The following AFG1L variants were observed in gnomAD, a reference collection of about 807,000 sequenced individuals.
AFG1L encodes AFG1-like ATPase.
A neutral mutation model predicts 62.2 loss-of-function variants in AFG1L; 53 were observed. The ratio of observed to expected loss-of-function variants is 0.85; its 90% CI spans 0.68 to 1.07. AFG1L has a LOEUF of 1.07. Among genes scored for constraint, AFG1L ranks in the 50% least tolerant of loss-of-function variants. The pLI, the probability that AFG1L is intolerant of heterozygous loss-of-function variation, is 0.00. For missense variants in AFG1L, 555 were observed against 590.5 expected (o/e 0.94, Z 0.62); for synonymous variants, 228 against 210.3 (o/e 1.08, Z -0.73).
intron 1 of AFG1L, among the ~76,000 whole-genome samples, chr6:108,314,749 TCAAAA>T (rs1777529709): frequency 6.6e-6 from 1 of 152,010 alleles, no homozygotes; most frequent in South Asian, 2.1e-4. Context: ...AAAAAGGAAA[TCAAAA>T]CAAAACAGAA....
chr6:108,463,677 G>A (rs908864228), intron 8 of AFG1L, among the ~76,000 whole-genome samples: 5 of 152,100 alleles, frequency 3.3e-5, no homozygotes, highest in African/African-American at 7.2e-5. Flanking sequence ...AACCAGGTAA[G>A]TTACTCTCCA....
intron 3 of AFG1L, among the ~76,000 whole-genome samples, chr6:108,348,362 G>A (rs1315953811): frequency 6.6e-6 from 1 of 152,244 alleles, no homozygotes; most frequent in Admixed American, 6.5e-5. Flanking sequence ...ACAGGCATGA[G>A]CCATGGCGCC....
intron 6 of AFG1L, among the ~76,000 whole-genome samples, chr6:108,377,362 GT>G (rs773818732): frequency 4.6e-5 from 7 of 152,154 alleles, no homozygotes; most frequent in Non-Finnish European, 1.0e-4. Context: ...ACTTAAGTGT[GT>G]TTTTGTGGTA....
At chr6:108,349,260 G>C (rs1016022485) in intron 3 of AFG1L, among the ~76,000 whole-genome samples, 6 of 152,082 alleles carry the variant, frequency 3.9e-5, no homozygotes, top group African/African-American at 1.4e-4. Flanking sequence ...GAGGCGAGTG[G>C]ATTGCCTAAG....
intron 1 of AFG1L, among the ~76,000 whole-genome samples, chr6:108,308,516 A>G (rs1354199392): frequency 6.6e-6 from 1 of 151,750 alleles, no homozygotes; most frequent in East Asian, 1.9e-4. Context: ...TTACTTATTT[A>G]ATTTTAATTT....
At chr6:108,296,599 T>C (rs932539455) in intron 1 of AFG1L, among the ~76,000 whole-genome samples, 2 of 152,204 alleles carry the variant, frequency 1.3e-5, no homozygotes, top group Admixed American at 6.5e-5. Flanking sequence ...TACACATTGT[T>C]TTGTGTATAC....
rs767870075 is a variant in AFG1L, at chr6:108,295,200, G to C, written c.121G>C (p.Gly41Arg). The change falls in exon 1 of 13, where the codon GGG becomes CGG. Residue 41 changes from glycine to arginine, a missense_variant. Transcript: ENST00000368977. Reference protein sequence around the residue: ...AALAPLATAPGKPFWKAYTVQ... With the variant: ...AALAPLATAPRKPFWKAYTVQ... ...TCTCGCTCCTCTGGCCACCGCCCCTGGGAAGCCCTTTTGGAAAGGTCAGTG... is the reference window on the plus strand; with the variant it reads ...TCTCGCTCCTCTGGCCACCGCCCCTCGGAAGCCCTTTTGGAAAGGTCAGTG... 3 of 1,605,028 alleles carry C rather than the reference G, an allele frequency of 1.9e-6. No homozygotes were observed. The African/African-American group carries it at 4.0e-5, about 21-fold the overall frequency.
At chr6:108,373,726 G>A (rs1010076819) in intron 6 of AFG1L, among the ~76,000 whole-genome samples, 11 of 144,758 alleles carry the variant, frequency 7.6e-5, no homozygotes, top group African/African-American at 2.6e-4. Context: ...ACAGGCATGC[G>A]CCACCATGCC....
intron 3 of AFG1L, among the ~76,000 whole-genome samples, chr6:108,348,018 A>C (rs1778931922): frequency 1.3e-5 from 2 of 152,048 alleles, no homozygotes; most frequent in Admixed American, 1.3e-4. Context: ...TATCTTAGTA[A>C]CATTTTTAGG....
intron 1 of AFG1L, among the ~76,000 whole-genome samples, chr6:108,321,244 C>G (rs991052063): frequency 4.6e-5 from 7 of 152,138 alleles, no homozygotes; most frequent in Non-Finnish European, 1.0e-4. Flanking sequence ...TAGAATAGCT[C>G]ACAGAACTCA....
intron 1 of AFG1L, among the ~76,000 whole-genome samples, chr6:108,303,360 G>T (rs547449526): frequency 3.3e-5 from 5 of 152,092 alleles, no homozygotes; most frequent in Non-Finnish European, 5.9e-5. Flanking sequence ...TCTCTAATTT[G>T]AGCTCAAGTG....
chr6:108,346,895 G>T (rs1778883060), intron 2 of AFG1L, 93 bp from the exon 3 acceptor site: 7 of 912,350 alleles, frequency 7.7e-6, no homozygotes, highest in Non-Finnish European at 1.1e-5. Context: ...AGCCCCTCTT[G>T]GTTCTGTATA....
At chr6:108,512,843 T>C (rs1774709349) in intron 11 of AFG1L, among the ~76,000 whole-genome samples, 1 of 152,196 alleles carries the variant, frequency 6.6e-6, no homozygotes, top group South Asian at 2.1e-4. Context: ...CAAAACCATT[T>C]TATTTCAAAA....
intron 1 of AFG1L, among the ~76,000 whole-genome samples, chr6:108,296,120 A>G (rs974927549): frequency 4.6e-5 from 7 of 152,150 alleles, no homozygotes; most frequent in African/African-American, 1.4e-4. Flanking sequence ...AAATATGACA[A>G]TCTTTGACCC....
intron 2 of AFG1L, among the ~76,000 whole-genome samples, chr6:108,341,038 G>A (rs1778660844): frequency 1.3e-5 from 2 of 152,116 alleles, no homozygotes; most frequent in South Asian, 4.1e-4. Context: ...TGACAATATG[G>A]AGGGCCCAGA....
At chr6:108,415,594 T>C (rs1302619801) in intron 7 of AFG1L, among the ~76,000 whole-genome samples, 1 of 152,104 alleles carries the variant, frequency 6.6e-6, no homozygotes, top group African/African-American at 2.4e-5. Flanking sequence ...TGGAACAGAA[T>C]AGAGCCCCCG....
At chr6:108,341,440 G>T (rs1778679118) in intron 2 of AFG1L, among the ~76,000 whole-genome samples, 1 of 152,110 alleles carries the variant, frequency 6.6e-6, no homozygotes, top group African/African-American at 2.4e-5. Context: ...AACAGGTATT[G>T]GTAAGCACAT....
chr6:108,438,039 A>G (rs956638624), intron 7 of AFG1L, among the ~76,000 whole-genome samples: 2 of 152,206 alleles, frequency 1.3e-5, no homozygotes, highest in Non-Finnish European at 2.9e-5. Context: ...CTCACAAGCA[A>G]GTGTATGGAG....
At chr6:108,310,927 T>C (rs1777380159) in intron 1 of AFG1L, among the ~76,000 whole-genome samples, 4 of 152,166 alleles carry the variant, frequency 2.6e-5, no homozygotes, top group Admixed American at 2.6e-4. Context: ...GTGAATGGGA[T>C]CCTTTTTTTT....
Sources: allele counts gnomAD v4.1 joint callset (sites outside exome capture counted in the v4.1 genomes callset), GRCh38; gene constraint gnomAD v4.1.1; transcripts MANE v1.5; gene names NCBI Gene and HGNC (gene_info 2026-07-23, HGNC 2026-07-21).